The following SGCD variants were observed in gnomAD, a reference collection of about 807,000 sequenced individuals.
SGCD encodes the protein delta-sarcoglycan.
Under a neutral mutation model 36.6 loss-of-function variants are expected in SGCD, and 18 were observed. The observed-to-expected ratio is 0.49, with a 90% CI of 0.34 to 0.73. The LOEUF is 0.73. Among genes scored for constraint, SGCD ranks in the 30% least tolerant of loss-of-function variants. The probability of loss-of-function intolerance (pLI) is 0.01; values close to 1 mark genes in which losing one functional copy is unlikely to be tolerated. For missense variants in SGCD, 387 were observed against 346.7 expected (o/e 1.12, Z -0.92); for synonymous variants, 133 against 130.6 (o/e 1.02, Z -0.12).
intron 1 of SGCD, among the ~76,000 whole-genome samples, chr5:155,957,880 A>T (rs1249609226): frequency 6.6e-6 from 1 of 152,162 alleles, no homozygotes; most frequent in South Asian, 2.1e-4. Flanking sequence ...CTACAGATGG[A>T]AACATGAGTA....
the SGCD span, among the ~76,000 whole-genome samples, chr5:155,776,912 T>C: frequency 1.3e-5 from 2 of 152,172 alleles, no homozygotes; most frequent in East Asian, 1.9e-4. Context: ...ATGGGACAAA[T>C]GGGGTTATGG....
intron 3 of SGCD, among the ~76,000 whole-genome samples, chr5:156,305,464 C>A (rs1185216588): frequency 6.6e-6 from 1 of 152,120 alleles, no homozygotes; most frequent in Non-Finnish European, 1.5e-5. Flanking sequence ...GGAACCTCTA[C>A]CTAGATTTCA....
At chr5:155,876,205 C>A (rs574149751) in intron 1 of SGCD, among the ~76,000 whole-genome samples, 23 of 114,606 alleles carry the variant, frequency 2.0e-4, no homozygotes, top group Admixed American at 8.0e-4. Context: ...CCCCCTCCCC[C>A]CACCCCACCA....
At chr5:155,878,864 C>T (rs1355735526) in intron 1 of SGCD, among the ~76,000 whole-genome samples, 1 of 152,114 alleles carries the variant, frequency 6.6e-6, no homozygotes, top group Admixed American at 6.5e-5. Context: ...CAATATTGAG[C>T]TTTATTTCGT....
chr5:156,209,714 C>T (rs1764385552), intron 3 of SGCD, among the ~76,000 whole-genome samples: 1 of 152,222 alleles, frequency 6.6e-6, no homozygotes, highest in Admixed American at 6.5e-5. Flanking sequence ...CCAGCACCCA[C>T]ACATCCAGCC....
At chr5:155,865,300 G>A in the SGCD span, among the ~76,000 whole-genome samples, 1 of 151,960 alleles carries the variant, frequency 6.6e-6, no homozygotes, top group Non-Finnish European at 1.5e-5. Flanking sequence ...GAGCAGCATT[G>A]TTTTAATATT....
intron 3 of SGCD, among the ~76,000 whole-genome samples, chr5:156,383,509 A>G (rs1158730854): frequency 3.3e-5 from 5 of 152,098 alleles, no homozygotes; most frequent in Non-Finnish European, 5.9e-5. Flanking sequence ...ATCTCTTAAA[A>G]AAGAAAAAGA....
At chr5:155,902,706 T>C (rs1329061170) in intron 1 of SGCD, among the ~76,000 whole-genome samples, 1 of 152,192 alleles carries the variant, frequency 6.6e-6, no homozygotes, top group Non-Finnish European at 1.5e-5. Flanking sequence ...CAAGATTAAA[T>C]TTGGTAATTT....
chr5:156,458,250 C>T lies in SGCD; in HGVS notation c.193-50351C>T, dbSNP rs548137046. 3.5e-4 allele frequency: 217 copies of T among 628,898 alleles called. 3 individuals carry two copies. The South Asian group carries it at 3.8e-3, about 11-fold the overall frequency. The allele number at this position is 628,898 out of a possible 1,614,324, so 39.0% of individuals were successfully genotyped here. A position where few individuals can be genotyped will look rare whatever the true frequency, so the allele number is the denominator to read the frequency against. ...AACTCTATGTACATGCCCCAAATAC[C>T]AAGACAGGCATTTCAGTTAAATATT... On this transcript the variant is annotated intron_variant, in intron 3 of 8. Coordinates refer to ENST00000337851, the MANE Select transcript of SGCD (RefSeq NM_000337.6).
intron 3 of SGCD, among the ~76,000 whole-genome samples, chr5:156,482,535 A>C (rs994489712): frequency 8.5e-5 from 13 of 152,174 alleles, no homozygotes; most frequent in Non-Finnish European, 1.5e-5. Flanking sequence ...AAAAATAGGG[A>C]CAGTAATGGT....
chr5:155,810,675 G>A, the SGCD span, among the ~76,000 whole-genome samples: 8 of 151,310 alleles, frequency 5.3e-5, no homozygotes, highest in South Asian at 1.7e-3. Context: ...TTCACCTGAT[G>A]AAAAGTAGAT....
At chr5:156,090,374 C>T (rs1295244476) in intron 1 of SGCD, among the ~76,000 whole-genome samples, 1 of 152,154 alleles carries the variant, frequency 6.6e-6, no homozygotes, top group Non-Finnish European at 1.5e-5. Context: ...AATTTTACAG[C>T]TGGGCCTCCA....
At chr5:156,424,580 A>G (rs928141038) in intron 3 of SGCD, among the ~76,000 whole-genome samples, 1 of 152,114 alleles carries the variant, frequency 6.6e-6, no homozygotes, top group African/African-American at 2.4e-5. Flanking sequence ...CAATATATCA[A>G]GATGATGGCA....
In SGCD at chr5:156,265,721, A is replaced by G. The variant is rs374742752; in HGVS notation, c.-43-63813A>G. On this transcript the variant is annotated intron_variant, in intron 3 of 9. Transcript: ENST00000517913. ...TCAAAGAGGATATAGTGATCTTTCC[A>G]TGTGGGCCCCATAATTTATTTTTGC... 5.3e-5 allele frequency among the ~76,000 whole-genome samples: 8 copies of G among 151,902 alleles called. No individual in the cohort carries two copies. The South Asian group carries it at 1.0e-3, about 20-fold the overall frequency.
chr5:156,667,812 A>T (rs975438154), intron 7 of SGCD, among the ~76,000 whole-genome samples: 2 of 152,244 alleles, frequency 1.3e-5, no homozygotes, highest in Non-Finnish European at 2.9e-5. Flanking sequence ...GCTGTCTTTC[A>T]TCAGGGCTCA....
At chr5:155,828,131 C>G in the SGCD span, among the ~76,000 whole-genome samples, 1 of 152,124 alleles carries the variant, frequency 6.6e-6, no homozygotes, top group Admixed American at 6.6e-5. Context: ...TTTCATTTCT[C>G]TGTGCCTATT....
At chr5:156,144,102 G>A (rs1762648679) in intron 3 of SGCD, among the ~76,000 whole-genome samples, 2 of 151,958 alleles carry the variant, frequency 1.3e-5, no homozygotes, top group South Asian at 4.2e-4. Context: ...ATTCCATGGT[G>A]TATATGTGCC....
chr5:156,503,865 GT>G (rs943917067), intron 3 of SGCD, among the ~76,000 whole-genome samples: 16 of 151,476 alleles, frequency 1.1e-4, no homozygotes, highest in African/African-American at 1.5e-4. Flanking sequence ...TTACTTAAGA[GT>G]TTTTTTTTAA....
At chr5:156,573,163 T>A (rs1759792424) in intron 4 of SGCD, among the ~76,000 whole-genome samples, 1 of 152,184 alleles carries the variant, frequency 6.6e-6, no homozygotes, top group Non-Finnish European at 1.5e-5. Context: ...ATAAAAAAAT[T>A]GGAAGCACAT....
Sources: allele counts gnomAD v4.1 joint callset (sites outside exome capture counted in the v4.1 genomes callset), GRCh38; gene constraint gnomAD v4.1.1; transcripts MANE v1.5; gene names NCBI Gene and HGNC (gene_info 2026-07-23, HGNC 2026-07-21).